Variants in NCOA3 observed in about 807,000 individuals in gnomAD.
NCOA3 encodes the protein CBP-interacting protein.
A neutral mutation model predicts 158.8 loss-of-function variants in NCOA3; 51 were observed. The observed-to-expected ratio is 0.32, with a 90% CI of 0.26 to 0.41. The LOEUF (loss-of-function observed/expected upper bound fraction) is 0.41. Among genes scored for constraint, NCOA3 ranks in the 10% least tolerant of loss-of-function variants. The pLI, the probability that NCOA3 is intolerant of heterozygous loss-of-function variation, is 1.00. For missense variants in NCOA3, 1,510 were observed against 1,746.6 expected, an observed-to-expected ratio of 0.86 and a Z score of 2.41; for synonymous variants, 537 against 592.4, an observed-to-expected ratio of 0.91 and a Z score of 1.36.
At chr20:47,519,287 C>T (rs1298318466) in intron 1 of NCOA3, among the ~76,000 whole-genome samples, 2 of 151,784 alleles carry the variant, frequency 1.3e-5, no homozygotes, top group African/African-American at 4.8e-5. Context: ...ATATGAAAAG[C>T]CAGGCGTGGT....
At chr20:47,579,246 C>A (rs550413409) in intron 1 of NCOA3, among the ~76,000 whole-genome samples, 5 of 152,366 alleles carry the variant, frequency 3.3e-5, no homozygotes, top group African/African-American at 1.2e-4. Flanking sequence ...GCTGGCGTTA[C>A]AGGTGTGCGC....
chr20:47,563,139 G>A (rs559186262), intron 1 of NCOA3, among the ~76,000 whole-genome samples: 1 of 152,174 alleles, frequency 6.6e-6, no homozygotes, highest in Non-Finnish European at 1.5e-5. Context: ...ATTCTGGATC[G>A]AAGACTACTG....
intron 1 of NCOA3, among the ~76,000 whole-genome samples, chr20:47,570,939 TAC>T (rs71183265): frequency 0.012 from 1,322 of 114,910 alleles, 29 homozygotes; most frequent in African/African-American, 0.028. Context: ...GTAATATATA[TAC>T]ACACACACAC....
intron 19 of NCOA3, 131 bp downstream of exon 19, chr20:47,649,240 G>T: frequency 7.3e-6 from 4 of 549,616 alleles, no homozygotes; most frequent in Non-Finnish European, 1.3e-5. Flanking sequence ...GAAAGCAGTC[G>T]CATTAAAGAC....
At chr20:47,641,107 C>G (rs577934140) in intron 16 of NCOA3, among the ~76,000 whole-genome samples, 58 of 151,784 alleles carry the variant, frequency 3.8e-4, no homozygotes, top group Non-Finnish European at 6.8e-4. Context: ...GAATGCTTCT[C>G]TACTCAATAG....
rs905015186 is a variant in NCOA3, at chr20:47,640,065, T to C, written c.3080+14T>C. 4 of 1,614,068 alleles carry C rather than the reference T, an allele frequency of 2.5e-6. No individual in the cohort carries two copies. Among genetic ancestry groups the C allele is most frequent in the Middle Eastern group, 1.7e-4 (1 of 6,050 alleles). On this transcript the variant is annotated intron_variant, in intron 16 of 22. Coordinates refer to ENST00000371998, the MANE Select transcript of NCOA3 (RefSeq NM_181659.3). ...CACTCAAAATAGGTGGGGTGTTATT[T>C]TGTGACTCTGTAGAAAATCTCAGCA...
chr20:47,580,876 A>T (rs753275492), intron 1 of NCOA3, among the ~76,000 whole-genome samples: 2 of 152,156 alleles, frequency 1.3e-5, no homozygotes, highest in African/African-American at 4.8e-5. Context: ...CGAGGCAGAC[A>T]GATCACTTGA....
At chr20:47,600,522 G>C (rs951325500) in intron 2 of NCOA3, among the ~76,000 whole-genome samples, 1 of 149,840 alleles carries the variant, frequency 6.7e-6, no homozygotes, top group African/African-American at 2.5e-5. Flanking sequence ...TTTTTGGCGG[G>C]CGTGTGGGTT....
chr20:47,572,372 C>T (rs2085307151), intron 1 of NCOA3, among the ~76,000 whole-genome samples: 1 of 151,880 alleles, frequency 6.6e-6, no homozygotes, highest in African/African-American at 2.4e-5. Context: ...CCACTGCACC[C>T]CAGTCTGGGC....
chr20:47,586,600 T>C (rs190231165), intron 2 of NCOA3, among the ~76,000 whole-genome samples: 1 of 152,336 alleles, frequency 6.6e-6, no homozygotes, highest in Admixed American at 6.5e-5. Flanking sequence ...TTTCTATGCT[T>C]CCTGTATAGA....
chr20:47,635,668 C>A lies in NCOA3; in HGVS notation c.1459C>A (p.Arg487Ser). Reference protein sequence around the residue: ...QQNIMISPRNRGSPKIASHQF... With the variant: ...QQNIMISPRNSGSPKIASHQF... ...GAATATCATGATTTCTCCTCGTAAT[C>A]GTGGGAGTCCAAAGATAGCCTCACA... Residue 487 changes from arginine to serine, a missense_variant, in exon 11 of 23, where the codon CGT (arginine) becomes AGT (serine). Coordinates refer to ENST00000371998, the MANE Select transcript of NCOA3 (RefSeq NM_181659.3). 1.2e-6 allele frequency: 2 copies of A among 1,614,132 alleles called. No homozygotes were observed. Among genetic ancestry groups the A allele is most frequent in the Non-Finnish European group, 1.7e-6 (2 of 1,180,010 alleles).
chr20:47,539,928 A>G (rs2084695219), intron 1 of NCOA3, among the ~76,000 whole-genome samples: 1 of 152,254 alleles, frequency 6.6e-6, no homozygotes, highest in Non-Finnish European at 1.5e-5. Context: ...AAAAATATGA[A>G]CAAACCCCAA....
chr20:47,583,837 C>T (rs2085491334), intron 2 of NCOA3, among the ~76,000 whole-genome samples: 1 of 152,120 alleles, frequency 6.6e-6, no homozygotes, highest in Non-Finnish European at 1.5e-5. Context: ...GTGCCTTAGT[C>T]CCTAGCACTA....
intron 1 of NCOA3, among the ~76,000 whole-genome samples, chr20:47,515,012 A>G (rs987820006): frequency 2.7e-5 from 4 of 149,480 alleles, no homozygotes; most frequent in African/African-American, 9.8e-5. Context: ...TGTTTTGTAT[A>G]AGATTTCATT....
At position 47,640,027 on chromosome 20, in the gene NCOA3, A is replaced by G. The variant is rs1243009674; in HGVS notation, c.3056A>G (p.Gln1019Arg). Residue 1019 changes from glutamine to arginine, a missense_variant, in exon 16 of 23, where the codon CAA (glutamine) becomes CGA (arginine). Gln to Arg is a conservative substitution (Grantham distance 43, BLOSUM62 1). Coordinates refer to ENST00000371998, the MANE Select transcript of NCOA3 (RefSeq NM_181659.3). ...CCCGATGGCATGTTGTCCATGGAAC[A>G]AGTTTCTCATGGCACTCAAAATAGG... is the stretch of plus-strand genomic sequence containing the variant. The part of the protein sequence containing the change: ...SWPDGMLSME[Q>R]VSHGTQNRPL... The G allele has an allele frequency of 1.9e-6, 3 of 1,614,244 alleles. No individual in the cohort carries two copies. Among genetic ancestry groups the G allele is most frequent in the Non-Finnish European group, 1.7e-6 (2 of 1,180,046 alleles).
chr20:47,541,553 A>AT (rs1443213292), intron 1 of NCOA3, among the ~76,000 whole-genome samples: 2 of 146,174 alleles, frequency 1.4e-5, no homozygotes, highest in African/African-American at 2.6e-5. Context: ...TAATTTTTAA[A>AT]TTTTTTTGTA....
chr20:47,643,369 T>A (rs1337029650), intron 17 of NCOA3, among the ~76,000 whole-genome samples: 1 of 152,232 alleles, frequency 6.6e-6, no homozygotes, highest in African/African-American at 2.4e-5. Context: ...GCTGTCACAG[T>A]GCAGATGGGA....
intron 18 of NCOA3, among the ~76,000 whole-genome samples, chr20:47,648,205 AAATGCCTGAG>A (rs1284527763): frequency 1.3e-5 from 2 of 151,868 alleles, no homozygotes; most frequent in African/African-American, 4.8e-5. Context: ...GTGTGCGGCC[AAATGCCTGAG>A]TTTGGAATCC....
chr20:47,616,044 G>A (rs2086126261), intron 2 of NCOA3, among the ~76,000 whole-genome samples: 1 of 151,712 alleles, frequency 6.6e-6, no homozygotes, highest in South Asian at 2.1e-4. Flanking sequence ...TGTAGTCCCA[G>A]CTACTCAGGA....
Sources: gnomAD v4.1 joint callset for allele counts (sites outside exome capture counted in the v4.1 genomes callset) on GRCh38, gnomAD v4.1.1 for gene constraint, MANE v1.5 for transcripts, NCBI Gene and HGNC (gene_info 2026-07-23, HGNC 2026-07-21) for gene names.